BIN1: variants seen among roughly 807,000 people sequenced by gnomAD.
BIN1 encodes the protein myc box-dependent-interacting protein 1.
In BIN1, 53 loss-of-function variants were observed where a neutral mutation model predicts 82.0. That is an observed-to-expected ratio of 0.65 (90% confidence interval 0.52 to 0.81). BIN1 has a LOEUF of 0.81. BIN1 is among the 40% of genes least tolerant of loss of function. The pLI is 0.00. For missense variants in BIN1, 642 were observed against 784.4 expected (o/e 0.82, Z 2.17); for synonymous variants, 302 against 328.0 (o/e 0.92, Z 0.86).
intron 1 of BIN1, among the ~76,000 whole-genome samples, chr2:127,077,081 C>T (rs1686707528): frequency 6.6e-6 from 1 of 152,170 alleles, no homozygotes; most frequent in Non-Finnish European, 1.5e-5. Flanking sequence ...GTGAGCCACG[C>T]AGGGGAGGGG....
At chr2:127,049,029 G>C (rs730306) in intron 18 of BIN1, among the ~76,000 whole-genome samples, 25,363 of 152,228 alleles carry the variant, frequency 0.17, 2,420 homozygotes, top group East Asian at 0.24. Flanking sequence ...CTCCAACTTC[G>C]ACTTGCCCTT....
intron 14 of BIN1, chr2:127,052,822 G>C: frequency 4.0e-6 from 1 of 253,062 alleles, no homozygotes; most frequent in Non-Finnish European, 7.7e-6. Context: ...GCTCTACCAT[G>C]ACCAGTTCTT....
rs183752532 is a variant in BIN1, at chr2:127,068,396, G to A, written c.520-141C>T. 1,419 of 638,360 alleles carry A rather than the reference G, an allele frequency of 2.2e-3. 19 individuals carry two copies. The African/African-American group carries it at 0.024, about 11-fold the overall frequency. 39.5% of individuals were successfully genotyped at this position (638,360 alleles called of 1,614,324 possible). A position where few individuals can be genotyped will look rare whatever the true frequency, so the allele number is the denominator to read the frequency against. The stretch of plus-strand genomic sequence containing the variant: ...CAAGCAGATATGGGCCCTTGAGGCC[G>A]AGAGAATTAGGGGGAGCCCGGGGGG... On this transcript the variant is annotated intron_variant, in intron 6 of 18. Coordinates refer to ENST00000316724, the MANE Select transcript of BIN1 (RefSeq NM_139343.3). This position sits in a 1 kb window ranked among gnomAD's most constrained non-coding sequence, Gnocchi z 4.9.
intron 1 of BIN1, among the ~76,000 whole-genome samples, chr2:127,089,137 T>A (rs1386593603): frequency 6.6e-6 from 1 of 152,172 alleles, no homozygotes. Flanking sequence ...ACTGAGGCAC[T>A]GCCTTAACAA....
At position 127,063,669 on chromosome 2, in the gene BIN1, G is replaced by A. The variant is rs1312236807; in HGVS notation, c.699-23C>T. 4 of 1,610,932 alleles carry A rather than the reference G, an allele frequency of 2.5e-6. No individual in the cohort carries two copies. The South Asian group carries it at 3.3e-5, about 13-fold the overall frequency. On this transcript the variant is annotated intron_variant, in intron 8 of 18. Transcript: ENST00000316724. ...CGGCTACAGAAGGGCGGAAGGATGG[G>A]GGCCAGGTGAACAGGCAGGTCAGGA...
Position 127,082,595 on chromosome 2 carries a change from C to CA in BIN1, c.85-5890dup, listed in dbSNP as rs1292475091. On this transcript the variant is annotated intron_variant, in intron 1 of 18. Coordinates refer to ENST00000316724, the MANE Select transcript of BIN1 (RefSeq NM_139343.3). The surrounding 1 kb of genome is among the most constrained non-coding windows in gnomAD (Gnocchi z 6.1). ...TGGGGTGGCAGTGGTGAAAGGGGTA[C>CA]AATGGGAGTCTTAAACCCCCAGGGG... 1.3e-5 allele frequency among the ~76,000 whole-genome samples: 2 copies of CA among 152,126 alleles called. No homozygotes were observed. Among genetic ancestry groups the CA allele is most frequent in the Admixed American group, 6.5e-5 (1 of 15,286 alleles).
At position 127,068,776 on chromosome 2, in the gene BIN1, C is replaced by G; in HGVS notation, c.519+148G>C. The stretch of plus-strand genomic sequence containing the variant: ...CACCCAGGCACCCACAAGGGCCTCT[C>G]ACTCACCGGCCTGGGCCCTGTATCG... On this transcript the variant is annotated intron_variant, in intron 6 of 18. Coordinates refer to ENST00000316724, the MANE Select transcript of BIN1 (RefSeq NM_139343.3). This position sits in a 1 kb window ranked among gnomAD's most constrained non-coding sequence, Gnocchi z 4.9. 2 of 767,236 alleles carry G rather than the reference C, an allele frequency of 2.6e-6. No homozygotes were observed. Among genetic ancestry groups the G allele is most frequent in the Non-Finnish European group, 4.4e-6 (2 of 452,794 alleles). The allele number at this position is 767,236 out of a possible 1,614,324, so 47.5% of individuals were successfully genotyped here.
chr2:127,072,307 T>C (rs186338330), intron 2 of BIN1, among the ~76,000 whole-genome samples: 61 of 152,312 alleles, frequency 4.0e-4, no homozygotes, highest in African/African-American at 1.4e-3. Flanking sequence ...CCGGGGCTGC[T>C]CTTCCTGCCC....
chr2:127,081,993 G>T, intron 1 of BIN1: 1 of 917,356 alleles, frequency 1.1e-6, no homozygotes, highest in Non-Finnish European at 1.5e-6. Flanking sequence ...TCCCCAGGCA[G>T]GCAGACACAG....
chr2:127,078,020 C>G (rs577061160), intron 1 of BIN1, among the ~76,000 whole-genome samples: 1 of 152,364 alleles, frequency 6.6e-6, no homozygotes, highest in Admixed American at 6.5e-5. Context: ...GCAGACATCC[C>G]TCCCTTCCAA....
At chr2:127,051,299 CAG>C (rs1297968270) in intron 15 of BIN1, 56 bp from the exon 16 acceptor site, 1 of 1,581,312 alleles carries the variant, frequency 6.3e-7, no homozygotes, top group African/African-American at 1.3e-5. Flanking sequence ...AGCCAGGACA[CAG>C]GAAACAGGCC....
At position 127,093,095 on chromosome 2, in the gene BIN1, A is replaced by C. The variant is rs1450758035; in HGVS notation, c.84+13765T>G. Among the ~76,000 whole-genome samples, 3 of 152,008 alleles carry C rather than the reference A, an allele frequency of 2.0e-5. No individual in the cohort carries two copies. The highest frequency in any genetic ancestry group is 4.4e-5 in the Non-Finnish European group (3 of 67,996). Reference sequence around the variant, plus strand: ...AGCCACCCCCACGCTAGGGCTGTCCACAGAGAGAGGGGTCAGGGAGGGAGG... The same window carrying C: ...AGCCACCCCCACGCTAGGGCTGTCCCCAGAGAGAGGGGTCAGGGAGGGAGG... On this transcript the variant is annotated intron_variant, in intron 1 of 18. Coordinates refer to ENST00000316724, the MANE Select transcript of BIN1 (RefSeq NM_139343.3). The surrounding 1 kb of genome is among the most constrained non-coding windows in gnomAD (Gnocchi z 5.7).
At chr2:127,075,811 G>A (rs1324655822) in intron 2 of BIN1, among the ~76,000 whole-genome samples, 5 of 19,344 alleles carry the variant, frequency 2.6e-4, no homozygotes, top group African/African-American at 4.1e-4. Context: ...CCCCCCCACC[G>A]CCCTCTCCCA....
At chr2:127,069,611 GCA>G (rs1196626663) in intron 5 of BIN1, among the ~76,000 whole-genome samples, 1 of 152,140 alleles carries the variant, frequency 6.6e-6, no homozygotes, top group Non-Finnish European at 1.5e-5. Flanking sequence ...CAGGTGACAT[GCA>G]CACATACCCT....
At chr2:127,104,469 G>C (rs1680765698) in intron 1 of BIN1, among the ~76,000 whole-genome samples, 1 of 152,190 alleles carries the variant, frequency 6.6e-6, no homozygotes, top group African/African-American at 2.4e-5. Flanking sequence ...AAGGGTGGAT[G>C]CAAGATACGG....
chr2:127,069,809 A>G lies in BIN1; in HGVS notation c.411+186T>C, dbSNP rs1336988309. On this transcript the variant is annotated intron_variant, in intron 5 of 18. Coordinates refer to ENST00000316724, the MANE Select transcript of BIN1 (RefSeq NM_139343.3). ...CCATAGCCCTGAGACCCAAAGGGAC[A>G]GGAAAGGAATGGGGGGCCGTGGGCT... Among the ~76,000 whole-genome samples, 14 of 152,222 alleles carry G rather than the reference A, an allele frequency of 9.2e-5. No homozygotes were observed. In the East Asian group the frequency reaches 2.7e-3, roughly 29 times the overall value.
In BIN1 at chr2:127,048,626, C is replaced by G; in HGVS notation, c.1682G>C (p.Gly561Ala). 6.2e-7 allele frequency: 1 copy of G among 1,612,880 alleles called. No homozygotes were observed. The highest frequency in any genetic ancestry group is 1.3e-5 in the African/African-American group (1 of 74,996). The change falls in exon 19 of 19, where the codon GGC becomes GCC. Residue 561 changes from glycine to alanine, a missense_variant. Physicochemically the swap from Gly to Ala is moderately conservative, Grantham distance 60. Transcript: ENST00000316724. ...GCTCTCCTTCACGCCCATGAGCCAG[C>G]CTTCATCCTGAGGGGCAGAGCACCA... ...PFQNPEEQDE[G>A]WLMGVKESDW...
At chr2:127,071,929 G>C (rs1472979770) in intron 2 of BIN1, among the ~76,000 whole-genome samples, 1 of 152,240 alleles carries the variant, frequency 6.6e-6, no homozygotes, top group African/African-American at 2.4e-5. Flanking sequence ...TTCATGCTAA[G>C]GACAGGAACA....
At chr2:127,066,948 G>C (rs1210645383) in intron 7 of BIN1, among the ~76,000 whole-genome samples, 2 of 152,050 alleles carry the variant, frequency 1.3e-5, no homozygotes, top group Non-Finnish European at 2.9e-5. Flanking sequence ...ATGCGTGCCT[G>C]TGGTCCCAGC....
Sources: allele counts gnomAD v4.1 joint callset (sites outside exome capture counted in the v4.1 genomes callset), GRCh38; gene constraint gnomAD v4.1.1; non-coding constraint Gnocchi (gnomAD v3.1); transcripts MANE v1.5; gene names NCBI Gene and HGNC (gene_info 2026-07-23, HGNC 2026-07-21).